NRXN3: variants seen among roughly 807,000 people sequenced by gnomAD.
The protein encoded by NRXN3 is neurexin III.
Under a neutral mutation model 137.6 loss-of-function variants are expected in NRXN3, and 32 were observed. The ratio of observed to expected loss-of-function variants is 0.23; its 90% CI spans 0.18 to 0.31. The LOEUF (loss-of-function observed/expected upper bound fraction) is 0.31, where lower values mean the gene tolerates loss of function less well. Ranked by LOEUF, NRXN3 falls within the 10% of genes least tolerant of loss-of-function variation. The pLI, the probability that NRXN3 is intolerant of heterozygous loss-of-function variation, is 1.00. For synonymous variants in NRXN3, 798 were observed against 784.5 expected (o/e 1.02, Z -0.29); for missense variants, 1,574 against 2,062.5 (o/e 0.76, Z 4.59).
chr14:79,797,054 G>A (rs976211945), intron 19 of NRXN3, among the ~76,000 whole-genome samples: 8 of 152,182 alleles, frequency 5.3e-5, no homozygotes, highest in Non-Finnish European at 7.3e-5. Flanking sequence ...GCACATCATA[G>A]GCAATTAATA....
chr14:78,512,129 T>A (rs2096120678), intron 4 of NRXN3, among the ~76,000 whole-genome samples: 5 of 152,148 alleles, frequency 3.3e-5, no homozygotes, highest in Admixed American at 3.3e-4. Flanking sequence ...TGATGGATGA[T>A]GATGAAGGAT....
intron 15 of NRXN3, among the ~76,000 whole-genome samples, chr14:79,435,233 G>T (rs2095825677): frequency 1.3e-5 from 2 of 151,206 alleles, no homozygotes; most frequent in Non-Finnish European, 1.5e-5. Flanking sequence ...AGCAAGTAAT[G>T]AAGCAAGAAT....
At chr14:79,285,449 G>C (rs1044038789) in intron 15 of NRXN3, among the ~76,000 whole-genome samples, 2 of 152,194 alleles carry the variant, frequency 1.3e-5, no homozygotes, top group Non-Finnish European at 2.9e-5. Context: ...CCATAAAGTA[G>C]TAAAGTACTA....
At chr14:79,780,022 G>A (rs1026226310) in intron 19 of NRXN3, among the ~76,000 whole-genome samples, 3 of 151,962 alleles carry the variant, frequency 2.0e-5, no homozygotes, top group African/African-American at 7.3e-5. Flanking sequence ...GAGCCACCAC[G>A]CCCACCCTTC....
chr14:78,868,141 T>G lies in NRXN3; in HGVS notation c.2275+57797T>G, dbSNP rs190612166. 3.9e-3 allele frequency among the ~76,000 whole-genome samples: 596 copies of G among 151,792 alleles called. 8 individuals are homozygous for G. The highest frequency in any genetic ancestry group is 4.3e-3 in the Non-Finnish European group (293 of 67,940). On this transcript the variant is annotated intron_variant, in intron 10 of 20. Transcript: ENST00000335750. ...AAATCTGTCTTTATTACAGGAGCCT[T>G]ATCCAGGAACCTTGTGATGTATGAG...
At chr14:79,166,528 T>G (rs1596695762) in intron 15 of NRXN3, among the ~76,000 whole-genome samples, 2 of 150,656 alleles carry the variant, frequency 1.3e-5, no homozygotes, top group South Asian at 4.2e-4. Flanking sequence ...TTGAAAATGC[T>G]CATTTTTTGT....
chr14:78,592,335 C>A (rs1057286575), intron 4 of NRXN3, among the ~76,000 whole-genome samples: 8 of 151,954 alleles, frequency 5.3e-5, no homozygotes, highest in Non-Finnish European at 1.0e-4. Flanking sequence ...AAGAAGAGGC[C>A]CTTAGAGAAT....
chr14:78,667,645 G>A (rs2097898491), intron 6 of NRXN3, among the ~76,000 whole-genome samples: 1 of 152,136 alleles, frequency 6.6e-6, no homozygotes, highest in African/African-American at 2.4e-5. Context: ...GAGACCATCT[G>A]CCAAAGGAGA....
At chr14:78,999,917 ATCG>A (rs1277948970) in intron 15 of NRXN3, among the ~76,000 whole-genome samples, 1 of 152,224 alleles carries the variant, frequency 6.6e-6, no homozygotes, top group Non-Finnish European at 1.5e-5. Context: ...GTAGAACTTT[ATCG>A]TCAATCATCA....
At chr14:78,783,130 G>A (rs1019622527) in intron 8 of NRXN3, among the ~76,000 whole-genome samples, 2 of 152,166 alleles carry the variant, frequency 1.3e-5, no homozygotes, top group Admixed American at 1.3e-4. Flanking sequence ...CAATCATTTA[G>A]AAGTAGAGAG....
intron 1 of NRXN3, among the ~76,000 whole-genome samples, chr14:78,240,034 A>G (rs550149409): frequency 1.3e-5 from 2 of 152,190 alleles, no homozygotes; most frequent in South Asian, 4.2e-4. Context: ...CACCTTCTCA[A>G]ATACTCTTTG....
In NRXN3 at chr14:78,560,190, A is replaced by G. The variant is rs978271804; in HGVS notation, c.758-84930A>G. On this transcript the variant is annotated intron_variant, in intron 4 of 20. Transcript: ENST00000335750. Reference sequence around the variant, plus strand: ...TCTTTTCTTGACTGTTTTCCTCCCTACTTTAACCAGAGGTGCTTGCATTAG... The same window carrying G: ...TCTTTTCTTGACTGTTTTCCTCCCTGCTTTAACCAGAGGTGCTTGCATTAG... 3.3e-5 allele frequency among the ~76,000 whole-genome samples: 5 copies of G among 152,248 alleles called. No individual in the cohort carries two copies. In the East Asian group the frequency reaches 9.7e-4, roughly 29 times the overall value.
At chr14:78,237,046 C>T (rs1249899218) in intron 1 of NRXN3, among the ~76,000 whole-genome samples, 2 of 152,178 alleles carry the variant, frequency 1.3e-5, no homozygotes, top group African/African-American at 4.8e-5. Context: ...AAGAACAAGC[C>T]TCTGTCCACC....
chr14:78,287,767 T>C (rs1201450450), intron 3 of NRXN3, among the ~76,000 whole-genome samples: 1 of 152,252 alleles, frequency 6.6e-6, no homozygotes, highest in Non-Finnish European at 1.5e-5. Context: ...CTTTTGCCTT[T>C]AAGGATCTTC....
chr14:79,747,115 AGTCAGAAAAGCTACATATATAAAT>A (rs1750041115), intron 19 of NRXN3, among the ~76,000 whole-genome samples: 2 of 152,072 alleles, frequency 1.3e-5, no homozygotes, highest in African/African-American at 4.8e-5. Flanking sequence ...GTTGAAATGG[AGTCAGAAAAGCTACATATATAAAT>A]GTCAGAAAAG....
At chr14:78,825,334 CA>C (rs1425169329) in intron 10 of NRXN3, among the ~76,000 whole-genome samples, 2 of 151,046 alleles carry the variant, frequency 1.3e-5, no homozygotes, top group African/African-American at 2.4e-5. Context: ...AAAAATAAAA[CA>C]AAAACAACAT....
intron 15 of NRXN3, among the ~76,000 whole-genome samples, chr14:79,376,733 G>A (rs971350183): frequency 2.0e-5 from 3 of 152,084 alleles, no homozygotes; most frequent in African/African-American, 7.2e-5. Flanking sequence ...TTAAAGCCTG[G>A]GAGCTCTCCA....
chr14:79,699,113 G>T (rs1264864276), intron 19 of NRXN3, among the ~76,000 whole-genome samples: 1 of 151,806 alleles, frequency 6.6e-6, no homozygotes, highest in Admixed American at 6.6e-5. Context: ...GTTTTCAAAA[G>T]GCTTCTAAAA....
chr14:78,876,524 G>A (rs1329335668), intron 10 of NRXN3, among the ~76,000 whole-genome samples: 1 of 152,106 alleles, frequency 6.6e-6, no homozygotes, highest in East Asian at 1.9e-4. Context: ...TGATGAAGGT[G>A]GATATAAGTA....
Sources: gnomAD v4.1 joint callset for allele counts (sites outside exome capture counted in the v4.1 genomes callset) on GRCh38, gnomAD v4.1.1 for gene constraint, MANE v1.5 for transcripts, NCBI Gene and HGNC (gene_info 2026-07-23, HGNC 2026-07-21) for gene names.